The following NCKAP1L variants were observed in gnomAD, a reference collection of about 807,000 sequenced individuals.
NCKAP1L encodes nck-associated protein 1-like.
In NCKAP1L, 53 loss-of-function variants were observed where a neutral mutation model predicts 139.2. The ratio of observed to expected loss-of-function variants is 0.38; its 90% CI spans 0.31 to 0.48. The LOEUF (loss-of-function observed/expected upper bound fraction) is 0.48, where lower values mean the gene tolerates loss of function less well. Ranked by LOEUF, NCKAP1L falls within the 20% of genes least tolerant of loss-of-function variation. NCKAP1L has a pLI of 0.98. For missense variants in NCKAP1L, 1,151 were observed against 1,381.9 expected (o/e 0.83, Z 2.65); for synonymous variants, 468 against 499.7 (o/e 0.94, Z 0.85).
chr12:54,506,796 A>AAAAAAAATATATATATATATAT, intron 3 of NCKAP1L, among the ~76,000 whole-genome samples: 6 of 50,602 alleles, frequency 1.2e-4, no homozygotes, highest in African/African-American at 4.4e-4. Context: ...AAAAAAAAAA[A>AAAAAAAATATATATATATATAT]ATATATATAT....
chr12:54,516,754 T>C (rs1176889063), intron 10 of NCKAP1L, 142 bp from the exon 11 acceptor site: 3 of 700,584 alleles, frequency 4.3e-6, no homozygotes, highest in Non-Finnish European at 6.9e-6. Context: ...CCCTTTTTTC[T>C]TTTTTAAACC....
chr12:54,519,202 G>A lies in NCKAP1L; in HGVS notation c.1495G>A (p.Ala499Thr). ...CCAACCGCAGGCATACACTAGCGTGGCTAAGGCCCCTCTGCACCTGCATGA... is the reference window on the plus strand; with the variant it reads ...CCAACCGCAGGCATACACTAGCGTGACTAAGGCCCCTCTGCACCTGCATGA... ...WFRLQAYTSV[A>T]KAPLHLHENP... The change falls in exon 16 of 31, where the codon GCT (alanine) becomes ACT (threonine). Residue 499 changes from alanine (A) to threonine (T), a missense_variant. Physicochemically the swap from Ala to Thr is moderately conservative, Grantham distance 58 (BLOSUM62 0). Transcript: ENST00000293373. 6.4e-7 allele frequency: 1 copy of A among 1,566,694 alleles called. No individual in the cohort carries two copies. The highest frequency in any genetic ancestry group is 1.4e-5 in the African/African-American group (1 of 72,410).
chr12:54,521,662 C>A (rs1007853866), intron 18 of NCKAP1L, among the ~76,000 whole-genome samples: 5 of 152,178 alleles, frequency 3.3e-5, no homozygotes, highest in Non-Finnish European at 7.3e-5. Context: ...TGAAGCACCT[C>A]TTCTGTGTTT....
chr12:54,501,652 A>G (rs1442057185), intron 3 of NCKAP1L, among the ~76,000 whole-genome samples: 1 of 152,058 alleles, frequency 6.6e-6, no homozygotes, highest in Non-Finnish European at 1.5e-5. Context: ...CTAAAGGCAC[A>G]TGCCACCACA....
At chr12:54,531,438 TA>T in intron 23 of NCKAP1L, 52 bp from the exon 24 acceptor site, 1 of 1,607,452 alleles carries the variant, frequency 6.2e-7, no homozygotes, top group Non-Finnish European at 8.5e-7. Flanking sequence ...GGGGAAGATG[TA>T]ACATTGGTCT....
At chr12:54,539,151 C>T (rs898290410) in intron 30 of NCKAP1L, among the ~76,000 whole-genome samples, 178 bp downstream of exon 30, 2 of 152,228 alleles carry the variant, frequency 1.3e-5, no homozygotes, top group Admixed American at 1.3e-4. Flanking sequence ...CTAAACTTGT[C>T]CTATAATCCC....
At chr12:54,530,142 C>T (rs1334417928) in intron 22 of NCKAP1L, among the ~76,000 whole-genome samples, 1 of 152,188 alleles carries the variant, frequency 6.6e-6, no homozygotes, top group Non-Finnish European at 1.5e-5. Context: ...GATCACTGGT[C>T]CTGCTTTGAA....
At chr12:54,501,884 C>T (rs1432568866) in intron 3 of NCKAP1L, among the ~76,000 whole-genome samples, 2 of 152,212 alleles carry the variant, frequency 1.3e-5, no homozygotes, top group African/African-American at 2.4e-5. Flanking sequence ...AATTCCTCCA[C>T]ATCCTCGCCA....
At chr12:54,539,980 C>G (rs1196052984) in intron 30 of NCKAP1L, among the ~76,000 whole-genome samples, 1 of 152,192 alleles carries the variant, frequency 6.6e-6, no homozygotes, top group Non-Finnish European at 1.5e-5. Flanking sequence ...CACAAAATCC[C>G]TCTAACTGAG....
intron 3 of NCKAP1L, 23 bp from the exon 4 acceptor site, chr12:54,507,830 C>A (rs751156318): frequency 1.2e-6 from 2 of 1,609,580 alleles, no homozygotes; most frequent in South Asian, 2.2e-5. Flanking sequence ...TTTATTAATT[C>A]TTGTCTTCAC....
Position 54,512,029 on chromosome 12 carries a change from C to T in NCKAP1L, c.865C>T (p.Leu289Phe), listed in dbSNP as rs1408939981. The T allele has an allele frequency of 1.2e-6, 2 of 1,614,176 alleles. No individual in the cohort carries two copies. Among genetic ancestry groups the T allele is most frequent in the Non-Finnish European group, 1.7e-6 (2 of 1,180,034 alleles). Residue 289 changes from leucine to phenylalanine, a missense_variant, in exon 9 of 31, where the codon CTC (leucine) becomes TTC (phenylalanine). By Grantham distance (22) the Leu-to-Phe change is conservative. Coordinates refer to ENST00000293373, the MANE Select transcript of NCKAP1L (RefSeq NM_005337.5). ...KLWKLCLQGS[L>F]YITLIREDVL... ...GTGGAAGCTGTGTCTGCAGGGCTCCCTCTACATCACCCTTATCCGTGAGGA... is the reference window on the plus strand; with the variant it reads ...GTGGAAGCTGTGTCTGCAGGGCTCCTTCTACATCACCCTTATCCGTGAGGA...
At chr12:54,530,482 GT>G (rs1957059234) in intron 22 of NCKAP1L, among the ~76,000 whole-genome samples, 2 of 152,214 alleles carry the variant, frequency 1.3e-5, no homozygotes, top group Admixed American at 6.5e-5. Flanking sequence ...CGGGATGTGT[GT>G]TGATTATGAA....
chr12:54,521,103 T>C lies in NCKAP1L; in HGVS notation c.1759-16T>C. Reference sequence around the variant, plus strand: ...CTGGTGATGACAGTCTCTTCTTTGGTCCCTCTTTCCCATAGTACCCCCACC... The same window carrying C: ...CTGGTGATGACAGTCTCTTCTTTGGCCCCTCTTTCCCATAGTACCCCCACC... On this transcript the variant is annotated splice_polypyrimidine_tract_variant and intron_variant, in intron 17 of 30. Coordinates refer to ENST00000293373, the MANE Select transcript of NCKAP1L (RefSeq NM_005337.5). The C allele has an allele frequency of 6.2e-7, 1 of 1,613,752 alleles. No homozygotes were observed. The highest frequency in any genetic ancestry group is 8.5e-7 in the Non-Finnish European group (1 of 1,179,830).
intron 21 of NCKAP1L, among the ~76,000 whole-genome samples, chr12:54,527,351 C>T (rs2120945394): frequency 6.6e-6 from 1 of 152,276 alleles, no homozygotes; most frequent in East Asian, 1.9e-4. Context: ...GAAGAACCCC[C>T]CAGAACAAGG....
intron 11 of NCKAP1L, 21 bp downstream of exon 11, chr12:54,517,013 G>A: frequency 6.3e-7 from 1 of 1,598,950 alleles, no homozygotes; most frequent in South Asian, 1.1e-5. Context: ...GAAATGTTGG[G>A]AGGGGAATGA....
Position 54,545,319 on chromosome 12 carries a change from A to G in NCKAP1L, c.*2634A>G, listed in dbSNP as rs774912986. ...CAGGTCAGAAAACAGATTTAGAAAT[A>G]TTAAATGACTTAATGAAGGTCACAT... is the stretch of plus-strand genomic sequence containing the variant. On this transcript the variant is annotated 3_prime_UTR_variant, in exon 31 of 31. Transcript: ENST00000293373. 1 of 152,362 alleles carries G rather than the reference A, an allele frequency of 6.6e-6. No homozygotes were observed. The highest frequency in any genetic ancestry group is 1.5e-5 in the Non-Finnish European group (1 of 68,032). 9.4% of individuals were successfully genotyped at this position (152,362 alleles called of 1,614,324 possible). A position where few individuals can be genotyped will look rare whatever the true frequency, so the allele number is the denominator to read the frequency against.
Position 54,527,886 on chromosome 12 carries a change from A to C in NCKAP1L, c.2376-361A>C, listed in dbSNP as rs552525882. Among the ~76,000 whole-genome samples the C allele has an allele frequency of 3.9e-5, 6 of 152,252 alleles. No homozygotes were observed. The East Asian group carries it at 1.2e-3, about 29-fold the overall frequency. On this transcript the variant is annotated intron_variant, in intron 21 of 30. Transcript: ENST00000293373. ...GAGTATATTTCAAAGGAGTCTAATT[A>C]AGTAGTGACTTTTTTCTTGCCAGGT...
Position 54,517,650 on chromosome 12 carries a change from C to G in NCKAP1L, c.1205+8C>G, listed in dbSNP as rs1956944576. 1 of 1,603,432 alleles carries G rather than the reference C, an allele frequency of 6.2e-7. No individual in the cohort carries two copies. Among genetic ancestry groups the G allele is most frequent in the Non-Finnish European group, 8.5e-7 (1 of 1,170,386 alleles). ...TGAGGACTATGCTGACTCGTTAGTA[C>G]TTGACATGGCTAAGAACCTTGTCCT... On this transcript the variant is annotated splice_region_variant and intron_variant, in intron 12 of 30. Coordinates refer to ENST00000293373, the MANE Select transcript of NCKAP1L (RefSeq NM_005337.5).
intron 21 of NCKAP1L, 72 bp downstream of exon 21, chr12:54,526,818 A>C: frequency 6.8e-6 from 9 of 1,320,312 alleles, no homozygotes; most frequent in African/African-American, 1.5e-5. Context: ...GTAGGACCTC[A>C]GGGCCCGAGC....
Sources: allele counts gnomAD v4.1 joint callset (sites outside exome capture counted in the v4.1 genomes callset), GRCh38; gene constraint gnomAD v4.1.1; transcripts MANE v1.5; gene names NCBI Gene and HGNC (gene_info 2026-07-23, HGNC 2026-07-21).